Variants in NIBAN1 observed in about 807,000 individuals in gnomAD.
NIBAN1 encodes protein Niban 1.
A neutral mutation model predicts 75.1 loss-of-function variants in NIBAN1; 81 were observed. That is an observed-to-expected ratio of 1.08 (90% confidence interval 0.90 to 1.30). The LOEUF is 1.30. NIBAN1 is among the 50% of genes most tolerant of loss of function. NIBAN1 has a pLI of 0.00. For synonymous variants in NIBAN1, 436 were observed against 424.8 expected, an observed-to-expected ratio of 1.03 and a Z score of -0.32; for missense variants, 1,133 against 1,128.1, an observed-to-expected ratio of 1.00 and a Z score of -0.06.
chr1:184,928,425 G>A (rs1390417385), intron 1 of NIBAN1, among the ~76,000 whole-genome samples: 2 of 152,154 alleles, frequency 1.3e-5, no homozygotes, highest in South Asian at 2.1e-4. Context: ...ACTTGCCTAG[G>A]AATTACAGTC....
At chr1:184,900,557 G>T (rs560132226) in intron 1 of NIBAN1, among the ~76,000 whole-genome samples, 66 of 152,346 alleles carry the variant, frequency 4.3e-4, no homozygotes, top group African/African-American at 1.5e-3. Flanking sequence ...TATGAACCAT[G>T]TGGGGGAAGC....
intron 5 of NIBAN1, among the ~76,000 whole-genome samples, chr1:184,871,206 G>A (rs944937738): frequency 7.9e-5 from 12 of 151,996 alleles, no homozygotes; most frequent in Non-Finnish European, 1.6e-4. Context: ...AATTAGCCAA[G>A]CATGGTGGTG....
chr1:184,941,537 C>T (rs1241392198), intron 1 of NIBAN1, among the ~76,000 whole-genome samples: 2 of 151,838 alleles, frequency 1.3e-5, no homozygotes, highest in East Asian at 3.9e-4. Context: ...GTAGTCCCAG[C>T]TGCTCAGGAG....
intron 5 of NIBAN1, among the ~76,000 whole-genome samples, chr1:184,840,018 T>C (rs1655241555): frequency 6.6e-6 from 1 of 152,194 alleles, no homozygotes; most frequent in African/African-American, 2.4e-5. Context: ...CATTTTACAA[T>C]TGAACAGACT....
chr1:184,961,403 C>G (rs957245718), intron 1 of NIBAN1, among the ~76,000 whole-genome samples: 3 of 152,092 alleles, frequency 2.0e-5, no homozygotes, highest in African/African-American at 7.2e-5. Context: ...ATATACTCCC[C>G]CGGTTCTTCA....
At position 184,867,903 on chromosome 1, in the gene NIBAN1, G is replaced by A. The variant is rs528565905; in HGVS notation, c.601+16730C>T. On this transcript the variant is annotated intron_variant, in intron 5 of 13. Coordinates refer to ENST00000367511, the MANE Select transcript of NIBAN1 (RefSeq NM_052966.4). ...TTTTGTTCCAGCTTTTGTCTACCCC[G>A]TCACTTAAAGTGTCCCGTGTCACAC... 109 of 985,332 alleles carry A rather than the reference G, an allele frequency of 1.1e-4. 1 individual carries two copies. Among genetic ancestry groups the A allele is most frequent in the East Asian group, 9.1e-4 (8 of 8,820 alleles). 61.0% of individuals were successfully genotyped at this position (985,332 alleles called of 1,614,324 possible). A position where few individuals can be genotyped will look rare whatever the true frequency, so the allele number is the denominator to read the frequency against.
chr1:184,962,120 A>C (rs1658665919), intron 1 of NIBAN1, among the ~76,000 whole-genome samples: 1 of 152,256 alleles, frequency 6.6e-6, no homozygotes, highest in South Asian at 2.1e-4. Flanking sequence ...CTTCATTGTG[A>C]AACAAAGAGT....
At position 184,799,735 on chromosome 1, in the gene NIBAN1, CTTTTTTTTTTTTTTT is replaced by C. The variant is rs780273995; in HGVS notation, c.1555-1560_1555-1546del. Among the ~76,000 whole-genome samples, 35 of 49,802 alleles carry C rather than the reference CTTTTTTTTTTTTTTT, an allele frequency of 7.0e-4. 7 individuals are homozygous for C. The highest frequency in any genetic ancestry group is 9.5e-4 in the Admixed American group (5 of 5,274). 32.7% of individuals were successfully genotyped at this position (49,802 alleles called of 152,430 possible). On this transcript the variant is annotated intron_variant, in intron 12 of 13. Transcript: ENST00000367511. Reference sequence around the variant, plus strand: ...TCCTGACTTTTTAATGATTGCCATTCTTTTTTTTTTTTTTTTTTTTTTTTTTTTGAGACGGAGTCT... The same window carrying C: ...TCCTGACTTTTTAATGATTGCCATTCTTTTTTTTTTTTTGAGACGGAGTCT...
intron 5 of NIBAN1, among the ~76,000 whole-genome samples, chr1:184,857,260 G>T (rs1009741227): frequency 6.6e-6 from 1 of 152,108 alleles, no homozygotes; most frequent in African/African-American, 2.4e-5. Flanking sequence ...AAGGCCTAAG[G>T]ACAGAGCCTG....
At chr1:184,881,168 C>T (rs1287144842) in intron 5 of NIBAN1, among the ~76,000 whole-genome samples, 2 of 152,060 alleles carry the variant, frequency 1.3e-5, no homozygotes, top group Non-Finnish European at 2.9e-5. Context: ...CTTTGAGGCT[C>T]CTAAAGGCTG....
intron 1 of NIBAN1, among the ~76,000 whole-genome samples, chr1:184,917,810 C>A (rs982271112): frequency 8.5e-5 from 13 of 152,076 alleles, no homozygotes; most frequent in Non-Finnish European, 1.8e-4. Flanking sequence ...GCATTCAAGT[C>A]CCAGAAAAGA....
intron 5 of NIBAN1, among the ~76,000 whole-genome samples, chr1:184,843,937 C>T (rs113186008): frequency 3.3e-5 from 5 of 152,314 alleles, no homozygotes; most frequent in African/African-American, 9.6e-5. Flanking sequence ...CTCTCAGTGA[C>T]GTTGTGGGCA....
At chr1:184,888,325 TC>T (rs1402105499) in intron 4 of NIBAN1, 1 of 152,212 alleles carries the variant, frequency 6.6e-6, no homozygotes, top group African/African-American at 2.4e-5. Flanking sequence ...GAGTCAGTCT[TC>T]TTGACTGACA....
intron 13 of NIBAN1, 57 bp from the exon 14 acceptor site, chr1:184,796,154 C>T (rs905280982): frequency 2.0e-6 from 3 of 1,474,438 alleles, no homozygotes; most frequent in African/African-American, 1.4e-5. Flanking sequence ...AAGCCAAAGT[C>T]CCCTTTCAGC....
intron 5 of NIBAN1, 29 bp downstream of exon 5, chr1:184,884,604 C>A (rs985917839): frequency 1.2e-6 from 2 of 1,611,354 alleles, no homozygotes; most frequent in Non-Finnish European, 1.7e-6. Flanking sequence ...ACTTCCCGCC[C>A]CGGGGATGAG....
intron 5 of NIBAN1, among the ~76,000 whole-genome samples, chr1:184,856,103 T>C (rs1165643904): frequency 6.6e-6 from 1 of 152,242 alleles, no homozygotes; most frequent in Non-Finnish European, 1.5e-5. Context: ...CCCATATTTT[T>C]CTAGTTATAA....
intron 5 of NIBAN1, among the ~76,000 whole-genome samples, chr1:184,874,986 T>C (rs556139730): frequency 1.1e-4 from 16 of 152,328 alleles, no homozygotes; most frequent in African/African-American, 3.6e-4. Flanking sequence ...TCAGATTTTC[T>C]GTCCACAGTG....
In NIBAN1 at chr1:184,902,094, C is replaced by T. The variant is rs1656971100; in HGVS notation, c.56-2785G>A. Among the ~76,000 whole-genome samples, 3 of 152,050 alleles carry T rather than the reference C, an allele frequency of 2.0e-5. No individual in the cohort carries two copies. The South Asian group carries it at 6.2e-4, about 32-fold the overall frequency. ...GGTGTTGAGGCAGGGGACGGTCTGG[C>T]TTGGTGGCTCTTGCTTGTAAGCTAG... On this transcript the variant is annotated intron_variant, in intron 1 of 13. Coordinates refer to ENST00000367511, the MANE Select transcript of NIBAN1 (RefSeq NM_052966.4).
At chr1:184,823,788 A>G (rs369127244) in intron 6 of NIBAN1, 46 bp from the exon 7 acceptor site, 24 of 1,525,974 alleles carry the variant, frequency 1.6e-5, no homozygotes, top group Non-Finnish European at 2.1e-5. Context: ...GGTGATGGCT[A>G]CATCTGAGCA....
Sources: allele counts gnomAD v4.1 joint callset (sites outside exome capture counted in the v4.1 genomes callset), GRCh38; gene constraint gnomAD v4.1.1; transcripts MANE v1.5; gene names NCBI Gene and HGNC (gene_info 2026-07-23, HGNC 2026-07-21).